BNC2: variants seen among roughly 807,000 people sequenced by gnomAD.
BNC2 encodes the protein zinc finger protein basonuclin-2.
In BNC2, 20 loss-of-function variants were observed where a neutral mutation model predicts 76.3. The observed-to-expected ratio is 0.26, with a 90% CI of 0.18 to 0.38. The LOEUF (loss-of-function observed/expected upper bound fraction) is 0.38. BNC2 is among the 10% of genes least tolerant of loss of function. The pLI, the probability that BNC2 is intolerant of heterozygous loss-of-function variation, is 1.00. For synonymous variants in BNC2, 582 were observed against 514.8 expected (o/e 1.13, Z -1.77); for missense variants, 1,382 against 1,399.8 (o/e 0.99, Z 0.20).
intron 5 of BNC2, among the ~76,000 whole-genome samples, chr9:16,452,965 AAAC>A (rs1477197710): frequency 1.3e-4 from 20 of 152,206 alleles, no homozygotes; most frequent in African/African-American, 4.8e-4. Context: ...TGAATTCTGA[AAAC>A]AAAACAAAAC....
At chr9:16,582,892 GACACACACACACACACAC>G (rs149223772) in intron 4 of BNC2, 73 bp downstream of exon 4, 26 of 626,976 alleles carry the variant, frequency 4.1e-5, no homozygotes, top group African/African-American at 1.4e-4. Flanking sequence ...CCTCTAAACA[GACACACACACACACACAC>G]ACACACACAC....
intron 5 of BNC2, among the ~76,000 whole-genome samples, chr9:16,470,969 G>C (rs1052062528): frequency 1.3e-5 from 2 of 152,150 alleles, no homozygotes; most frequent in Non-Finnish European, 2.9e-5. Flanking sequence ...CCGACAACTT[G>C]TACTATGCAC....
At chr9:16,657,185 G>A (rs1465752144) in intron 3 of BNC2, among the ~76,000 whole-genome samples, 1 of 152,238 alleles carries the variant, frequency 6.6e-6, no homozygotes, top group South Asian at 2.1e-4. Flanking sequence ...TAATGGGAAT[G>A]AGTACAACTA....
At chr9:16,783,251 T>C (rs1826201559) in intron 1 of BNC2, among the ~76,000 whole-genome samples, 1 of 152,182 alleles carries the variant, frequency 6.6e-6, no homozygotes, top group African/African-American at 2.4e-5. Context: ...TTCATAAGCT[T>C]TGAAAAAGTA....
At chr9:16,699,679 A>G (rs1187762249) in intron 3 of BNC2, among the ~76,000 whole-genome samples, 1 of 152,264 alleles carries the variant, frequency 6.6e-6, no homozygotes, top group Non-Finnish European at 1.5e-5. Flanking sequence ...CTGTGCCAGA[A>G]TTCACAGGCA....
chr9:16,490,410 C>G (rs527538146), intron 5 of BNC2, among the ~76,000 whole-genome samples: 1 of 152,272 alleles, frequency 6.6e-6, no homozygotes, highest in East Asian at 1.9e-4. Context: ...GGGTCCCTCC[C>G]ACAACACGTG....
intron 3 of BNC2, among the ~76,000 whole-genome samples, chr9:16,599,486 G>C (rs751704650): frequency 5.9e-5 from 9 of 152,078 alleles, no homozygotes; most frequent in Admixed American, 1.3e-4. Flanking sequence ...TTAAGTAAAG[G>C]TAAAAAGCAG....
At chr9:16,529,247 A>G (rs760373430) in intron 5 of BNC2, among the ~76,000 whole-genome samples, 20 of 152,166 alleles carry the variant, frequency 1.3e-4, no homozygotes, top group Non-Finnish European at 2.6e-4. Flanking sequence ...GGGATTTGAC[A>G]TGGATATTTT....
Position 16,418,664 on chromosome 9 carries a change from CTG to C in BNC2, c.*323_*324del, listed in dbSNP as rs139823578. On this transcript the variant is annotated 3_prime_UTR_variant, in exon 7 of 7. Coordinates refer to ENST00000380672, the MANE Select transcript of BNC2 (RefSeq NM_017637.6). ...TGTCAAAACTGGGGCTAGTTGCACACTGTGTGTGTGTGTGTGTGTGTGTGTGT... is the reference window on the plus strand; with the variant it reads ...TGTCAAAACTGGGGCTAGTTGCACACTGTGTGTGTGTGTGTGTGTGTGTGT... 13,931 of 209,536 alleles carry C rather than the reference CTG, an allele frequency of 0.066. 110 individuals carry two copies. The highest frequency in any genetic ancestry group is 0.11 in the Middle Eastern group (64 of 588). 13.0% of individuals were successfully genotyped at this position (209,536 alleles called of 1,614,324 possible). A position where few individuals can be genotyped will look rare whatever the true frequency, so the allele number is the denominator to read the frequency against.
At chr9:16,557,319 G>A (rs1413510643) in intron 4 of BNC2, among the ~76,000 whole-genome samples, 1 of 151,742 alleles carries the variant, frequency 6.6e-6, no homozygotes, top group Non-Finnish European at 1.5e-5. Context: ...GCCAACATGG[G>A]GAAACTCCAC....
intron 1 of BNC2, among the ~76,000 whole-genome samples, chr9:16,766,940 G>C (rs1407797365): frequency 1.3e-5 from 2 of 152,236 alleles, no homozygotes; most frequent in African/African-American, 2.4e-5. Context: ...AGAGAGGAAA[G>C]AGGGACTTAA....
At chr9:16,581,482 C>T (rs770123005) in intron 4 of BNC2, among the ~76,000 whole-genome samples, 51 of 152,104 alleles carry the variant, frequency 3.4e-4, no homozygotes, top group Non-Finnish European at 5.4e-4. Flanking sequence ...CGCTTGAACC[C>T]GGGAGTTGGA....
At chr9:16,624,887 A>G (rs1672586975) in intron 3 of BNC2, among the ~76,000 whole-genome samples, 1 of 152,210 alleles carries the variant, frequency 6.6e-6, no homozygotes, top group Non-Finnish European at 1.5e-5. Context: ...GCACTTCCTA[A>G]CCAAATCCCC....
intron 1 of BNC2, among the ~76,000 whole-genome samples, chr9:16,868,604 C>G (rs1199652143): frequency 2.0e-5 from 3 of 152,176 alleles, no homozygotes; most frequent in Non-Finnish European, 2.9e-5. Context: ...ATACTCAAAA[C>G]AAAGTTCAGG....
chr9:16,760,014 C>G (rs893802897), intron 1 of BNC2, among the ~76,000 whole-genome samples: 1 of 152,072 alleles, frequency 6.6e-6, no homozygotes. Context: ...TGAGCCACCG[C>G]GCGGGGCCAG....
intron 1 of BNC2, among the ~76,000 whole-genome samples, chr9:16,769,443 AC>A (rs1367399520): frequency 3.9e-5 from 6 of 152,198 alleles, no homozygotes; most frequent in Non-Finnish European, 7.3e-5. Context: ...CAGTGAAAAG[AC>A]TAACAGTGTC....
chr9:16,678,604 G>A (rs933036873), intron 3 of BNC2, among the ~76,000 whole-genome samples: 2 of 149,592 alleles, frequency 1.3e-5, no homozygotes, highest in Admixed American at 1.3e-4. Flanking sequence ...TACCTCTCCA[G>A]TAATTTTTTT....
intron 3 of BNC2, among the ~76,000 whole-genome samples, chr9:16,593,993 A>T (rs1054559264): frequency 6.6e-6 from 1 of 152,120 alleles, no homozygotes; most frequent in Non-Finnish European, 1.5e-5. Context: ...ATTCATTTTC[A>T]CTAATGCAAT....
rs374268523 is a variant in BNC2, at chr9:16,523,872, A to G, written c.669+28658T>C. On this transcript the variant is annotated intron_variant, in intron 5 of 6. Transcript: ENST00000380672. ...ACCCAGGAGGCAGAGATTGCAGTGA[A>G]CTGAGATCGTCCAGGAGGCAGAGAT... is the stretch of plus-strand genomic sequence containing the variant. 9.9e-5 allele frequency among the ~76,000 whole-genome samples: 15 copies of G among 152,216 alleles called. No individual in the cohort carries two copies. In the East Asian group the frequency reaches 1.5e-3, roughly 16 times the overall value.
Sources: gnomAD v4.1 joint callset for allele counts (sites outside exome capture counted in the v4.1 genomes callset) on GRCh38, gnomAD v4.1.1 for gene constraint, MANE v1.5 for transcripts, NCBI Gene and HGNC (gene_info 2026-07-23, HGNC 2026-07-21) for gene names.